GRIK3: variants seen among roughly 807,000 people sequenced by gnomAD.
GRIK3 encodes the protein glutamate ionotropic receptor kainate type subunit 3, also known as glutamate receptor ionotropic, kainate 3.
Under a neutral mutation model 102.5 loss-of-function variants are expected in GRIK3, and 29 were observed. That is an observed-to-expected ratio of 0.28 (90% CI 0.21 to 0.39). The LOEUF is 0.39. Ranked by LOEUF, GRIK3 falls within the 10% of genes least tolerant of loss-of-function variation. The probability of loss-of-function intolerance (pLI) is 1.00; values close to 1 mark genes in which losing one functional copy is unlikely to be tolerated. For synonymous variants in GRIK3, 511 were observed against 504.9 expected, an observed-to-expected ratio of 1.01 and a Z score of -0.16; for missense variants, 908 against 1,252.4, an observed-to-expected ratio of 0.73 and a Z score of 4.15.
chr1:36,984,734 A>G (rs1642286851), intron 1 of GRIK3, among the ~76,000 whole-genome samples: 1 of 152,222 alleles, frequency 6.6e-6, no homozygotes, highest in Non-Finnish European at 1.5e-5. Flanking sequence ...CTTCGTCTGC[A>G]TGGCTGAAGG....
chr1:37,002,250 G>A (rs1333548620), intron 1 of GRIK3, among the ~76,000 whole-genome samples: 3 of 152,162 alleles, frequency 2.0e-5, no homozygotes, highest in African/African-American at 7.2e-5. Context: ...TTTACTGGGG[G>A]CATACTAAAC....
chr1:36,982,395 G>A (rs2124367582), intron 1 of GRIK3, among the ~76,000 whole-genome samples: 1 of 152,334 alleles, frequency 6.6e-6, no homozygotes, highest in African/African-American at 2.4e-5. Flanking sequence ...GAGGACACGA[G>A]TCCTTGGAGA....
At chr1:36,838,338 A>C (rs1038341683) in intron 10 of GRIK3, among the ~76,000 whole-genome samples, 1 of 152,226 alleles carries the variant, frequency 6.6e-6, no homozygotes, top group African/African-American at 2.4e-5. Flanking sequence ...ATCAAAACAC[A>C]TGGGAATAAT....
chr1:37,021,419 C>G (rs1019232433), intron 1 of GRIK3, among the ~76,000 whole-genome samples: 1 of 152,136 alleles, frequency 6.6e-6, no homozygotes, highest in Non-Finnish European at 1.5e-5. Flanking sequence ...CTGGCTTCCT[C>G]AAGTGCTGAA....
rs574903432 is a variant in GRIK3 at position 36,804,795 on chromosome 1, G to T, written c.2565+192C>A. On this transcript the variant is annotated intron_variant, in intron 15 of 15. Transcript: ENST00000373091. Reference sequence around the variant, plus strand: ...AGGTGATGGGGCTTGGCCTGGGGTGGGGCAACGGCGATGGAAAAAAGTGCC... The same window carrying T: ...AGGTGATGGGGCTTGGCCTGGGGTGTGGCAACGGCGATGGAAAAAAGTGCC... The T allele has an allele frequency of 2.0e-5, 14 of 685,128 alleles. No homozygotes were observed. In the African/African-American group the frequency reaches 2.5e-4, roughly 12 times the overall value. 42.4% of individuals were successfully genotyped at this position (685,128 alleles called of 1,614,324 possible).
At chr1:36,867,171 G>T (rs1640794327) in intron 5 of GRIK3, among the ~76,000 whole-genome samples, 1 of 152,168 alleles carries the variant, frequency 6.6e-6, no homozygotes, top group Non-Finnish European at 1.5e-5. Flanking sequence ...GTTCCCTAGA[G>T]ACTTTAGCAC....
chr1:36,870,929 G>T (rs1640835716), intron 4 of GRIK3, among the ~76,000 whole-genome samples: 1 of 151,548 alleles, frequency 6.6e-6, no homozygotes, highest in Non-Finnish European at 1.5e-5. Flanking sequence ...GGTGGGGGTT[G>T]GGGTAGGGGG....
chr1:36,921,011 T>C lies in GRIK3; in HGVS notation c.116-29915A>G, dbSNP rs78205297. Reference sequence around the variant, plus strand: ...ATCACCCTCTGCTGGGAAGCCAGCATGGAAAGCAAGTGCCCATCTGGAGGT... The same window carrying C: ...ATCACCCTCTGCTGGGAAGCCAGCACGGAAAGCAAGTGCCCATCTGGAGGT... On this transcript the variant is annotated intron_variant, in intron 1 of 15. Transcript: ENST00000373091. Among the ~76,000 whole-genome samples, 97 of 152,256 alleles carry C rather than the reference T, an allele frequency of 6.4e-4. 2 individuals carry two copies. The East Asian group carries it at 7.7e-3, about 12-fold the overall frequency.
chr1:36,855,646 T>TGAGC (rs1640643228), intron 7 of GRIK3, among the ~76,000 whole-genome samples: 1 of 152,246 alleles, frequency 6.6e-6, no homozygotes. Context: ...TATAGAGCGC[T>TGAGC]GAGCACAGTG....
chr1:36,817,375 C>CTCTAA lies in GRIK3; in HGVS notation c.1874-99_1874-98insTTAGA, dbSNP rs1642643766. 6.2e-6 allele frequency: 5 copies of CTCTAA among 811,056 alleles called. No individual in the cohort carries two copies. The Admixed American group carries it at 1.1e-4, about 17-fold the overall frequency. 50.2% of individuals were successfully genotyped at this position (811,056 alleles called of 1,614,324 possible). A position where few individuals can be genotyped will look rare whatever the true frequency, so the allele number is the denominator to read the frequency against. On this transcript the variant is annotated intron_variant, in intron 12 of 15. Coordinates refer to ENST00000373091, the MANE Select transcript of GRIK3 (RefSeq NM_000831.4). The stretch of plus-strand genomic sequence containing the variant: ...GATTCCTCTGATACTCTAATGAAAG[C>CTCTAA]TAAGGCCCTTTCCCAAGACCAGTGG...
Position 36,915,626 on chromosome 1 carries a change from G to A in GRIK3, c.116-24530C>T, listed in dbSNP as rs1570797037. ...GGGAGGTAATTGAATCATGGGGGCA[G>A]GTCTTTCCCGTGCTGTTTTCATGGT... On this transcript the variant is annotated intron_variant, in intron 1 of 15. Coordinates refer to ENST00000373091, the MANE Select transcript of GRIK3 (RefSeq NM_000831.4). Among the ~76,000 whole-genome samples, 3 of 152,180 alleles carry A rather than the reference G, an allele frequency of 2.0e-5. No homozygotes were observed. In the East Asian group the frequency reaches 5.8e-4, roughly 29 times the overall value.
At chr1:36,989,112 C>T (rs1473660991) in intron 1 of GRIK3, among the ~76,000 whole-genome samples, 1 of 152,148 alleles carries the variant, frequency 6.6e-6, no homozygotes, top group Non-Finnish European at 1.5e-5. Context: ...CACTCCCCTC[C>T]CCATAGACAC....
In GRIK3 at chr1:36,938,504, T is replaced by A. The variant is rs567154981; in HGVS notation, c.116-47408A>T. ...CGTGATGTTGCATCTCTGTTGTTCA[T>A]TGGAGAAATGTGTTTTCAGCCTGGA... On this transcript the variant is annotated intron_variant, in intron 1 of 15. Transcript: ENST00000373091. Among the ~76,000 whole-genome samples, 15 of 152,308 alleles carry A rather than the reference T, an allele frequency of 9.8e-5. No homozygotes were observed. The South Asian group carries it at 1.0e-3, about 11-fold the overall frequency.
At chr1:36,920,357 C>T (rs1641453254) in intron 1 of GRIK3, among the ~76,000 whole-genome samples, 1 of 152,142 alleles carries the variant, frequency 6.6e-6, no homozygotes, top group African/African-American at 2.4e-5. Context: ...GAGGCTGATG[C>T]ACAAGAATCC....
At chr1:36,810,887 C>A (rs1004267447) in intron 13 of GRIK3, among the ~76,000 whole-genome samples, 12 of 152,220 alleles carry the variant, frequency 7.9e-5, no homozygotes, top group South Asian at 2.1e-4. Flanking sequence ...CACCTCCCCC[C>A]ATCCCGGCAG....
chr1:36,850,324 A>T lies in GRIK3; in HGVS notation c.1313T>A (p.Val438Asp). The change falls in exon 9 of 16, where the codon GTC (valine) becomes GAC (aspartate). Residue 438 changes from valine (V) to aspartate (D), a missense_variant. Coordinates refer to ENST00000373091, the MANE Select transcript of GRIK3 (RefSeq NM_000831.4). This position sits in a 1 kb window ranked among gnomAD's most constrained non-coding sequence, Gnocchi z 4.0. The part of the protein sequence containing the change: ...TDSLTNRSLI[V>D]TTVLEEPFVM... ...GCAGGCTCTTACCAGCACTGTGGTG[A>T]CAATGAGTGATCTGTTTGTCAGAGA... 1 of 1,606,116 alleles carries T rather than the reference A, an allele frequency of 6.2e-7. No individual in the cohort carries two copies. Among genetic ancestry groups the T allele is most frequent in the Non-Finnish European group, 8.5e-7 (1 of 1,172,706 alleles).
chr1:36,996,282 G>A (rs898314828), intron 1 of GRIK3, among the ~76,000 whole-genome samples: 3 of 152,192 alleles, frequency 2.0e-5, no homozygotes, highest in Admixed American at 6.5e-5. Context: ...AGCTAATCAC[G>A]CCTAATCCAC....
intron 10 of GRIK3, among the ~76,000 whole-genome samples, chr1:36,840,867 C>T (rs1198498600): frequency 6.6e-6 from 1 of 152,234 alleles, no homozygotes; most frequent in East Asian, 1.9e-4. Flanking sequence ...GATGTGTTTG[C>T]TCACAGCATC....
At chr1:36,957,114 G>T (rs1416535557) in intron 1 of GRIK3, among the ~76,000 whole-genome samples, 2 of 152,246 alleles carry the variant, frequency 1.3e-5, no homozygotes, top group Non-Finnish European at 2.9e-5. Flanking sequence ...AATAAGGCTG[G>T]GCTGAGTCCT....
Sources: allele counts gnomAD v4.1 joint callset (sites outside exome capture counted in the v4.1 genomes callset), GRCh38; gene constraint gnomAD v4.1.1; non-coding constraint Gnocchi (gnomAD v3.1); transcripts MANE v1.5; gene names NCBI Gene and HGNC (gene_info 2026-07-23, HGNC 2026-07-21).